FKBP5: variants seen among roughly 807,000 people sequenced by gnomAD.
FKBP5 encodes FKBP prolyl isomerase 5.
In FKBP5, 23 loss-of-function variants were observed where a neutral mutation model predicts 50.5. The observed-to-expected ratio is 0.46, with a 90% confidence interval of 0.33 to 0.65. The LOEUF is 0.65. Ranked by LOEUF, FKBP5 falls within the 30% of genes least tolerant of loss-of-function variation. FKBP5 has a pLI of 0.02. For synonymous variants in FKBP5, 176 were observed against 190.6 expected, an observed-to-expected ratio of 0.92 and a Z score of 0.63; for missense variants, 411 against 553.1, an observed-to-expected ratio of 0.74 and a Z score of 2.58.
At chr6:35,688,232 C>T (rs1190064257) in intron 1 of FKBP5, among the ~76,000 whole-genome samples, 1 of 152,228 alleles carries the variant, frequency 6.6e-6, no homozygotes, top group East Asian at 1.9e-4. Context: ...GCCACCATCC[C>T]CTTCACAGCC....
chr6:35,579,158 G>A (rs528172142), intron 9 of FKBP5, among the ~76,000 whole-genome samples: 50 of 147,268 alleles, frequency 3.4e-4, no homozygotes, highest in Middle Eastern at 3.2e-3. Context: ...ACGCGCGCGC[G>A]CACACACTCT....
chr6:35,613,186 G>A (rs997307841), intron 5 of FKBP5, among the ~76,000 whole-genome samples: 10 of 152,098 alleles, frequency 6.6e-5, no homozygotes, highest in African/African-American at 2.4e-4. Context: ...TCACTCTATA[G>A]CCGGCTTTAG....
chr6:35,693,547 T>C (rs1351408476), upstream of FKBP5, among the ~76,000 whole-genome samples: 3 of 143,736 alleles, frequency 2.1e-5, no homozygotes, highest in African/African-American at 7.8e-5. Context: ...TGAGACAGAG[T>C]CTTGCTCTGT....
At chr6:35,681,351 T>C (rs1472155824) in intron 1 of FKBP5, among the ~76,000 whole-genome samples, 1 of 152,218 alleles carries the variant, frequency 6.6e-6, no homozygotes, top group African/African-American at 2.4e-5. Context: ...AGTATATAAC[T>C]GAATTACCAT....
chr6:35,615,102 C>T (rs888657785), intron 5 of FKBP5, among the ~76,000 whole-genome samples: 2 of 149,894 alleles, frequency 1.3e-5, no homozygotes, highest in Non-Finnish European at 3.0e-5. Flanking sequence ...CCAGCCTGGG[C>T]GACAGAGTGA....
At chr6:35,592,703 C>G (rs1490779002) in intron 6 of FKBP5, among the ~76,000 whole-genome samples, 5 of 152,324 alleles carry the variant, frequency 3.3e-5, no homozygotes, top group Admixed American at 3.3e-4. Flanking sequence ...TTGCCTTAGA[C>G]CAGCAGATCT....
At chr6:35,712,826 C>G (rs1418122294) in intron 2 of FKBP5, among the ~76,000 whole-genome samples, 23 of 152,204 alleles carry the variant, frequency 1.5e-4, no homozygotes, top group Non-Finnish European at 4.4e-5. Context: ...TGAAGCTGGC[C>G]GTGTGGCCTG....
chr6:35,687,061 A>G lies in FKBP5; in HGVS notation c.-20+1743T>C, dbSNP rs551067902. Among the ~76,000 whole-genome samples the G allele has an allele frequency of 7.2e-5, 11 of 152,352 alleles. 1 individual carries two copies. The highest frequency in any genetic ancestry group is 1.6e-4 in the Non-Finnish European group (11 of 68,032). The stretch of plus-strand genomic sequence containing the variant: ...AGCTATTAGCTAACTGTAATTACCT[A>G]GGCAAATAAGTAAAATGACCATTCA... On this transcript the variant is annotated intron_variant, in intron 1 of 10. Coordinates refer to ENST00000357266, the MANE Select transcript of FKBP5 (RefSeq NM_004117.4).
intron 2 of FKBP5, among the ~76,000 whole-genome samples, chr6:35,713,711 A>G (rs1447010434): frequency 6.6e-6 from 1 of 152,184 alleles, no homozygotes; most frequent in Non-Finnish European, 1.5e-5. Flanking sequence ...CATAAAGGGT[A>G]GCAGAGAATG....
intron 1 of FKBP5, among the ~76,000 whole-genome samples, chr6:35,646,198 G>A (rs7771718): frequency 0.012 from 1,867 of 152,214 alleles, 31 homozygotes; most frequent in African/African-American, 0.038. Flanking sequence ...GTTTAAATTC[G>A]AGTAAATAGG....
chr6:35,621,654 G>A lies in FKBP5; in HGVS notation c.251-1380C>T, dbSNP rs7749799. ...AAAAAAAGGCTAAATGACAAATGAGGTACTCTGTCAATCAGAAATATTAAG... is the reference window on the plus strand; with the variant it reads ...AAAAAAAGGCTAAATGACAAATGAGATACTCTGTCAATCAGAAATATTAAG... On this transcript the variant is annotated intron_variant, in intron 3 of 10. Coordinates refer to ENST00000357266, the MANE Select transcript of FKBP5 (RefSeq NM_004117.4). Among the ~76,000 whole-genome samples the A allele has an allele frequency of 7.3e-3, 1,094 of 148,992 alleles. 12 individuals carry two copies. The highest frequency in any genetic ancestry group is 0.023 in the African/African-American group (946 of 40,596).
chr6:35,608,288 T>C (rs376513410), intron 5 of FKBP5, among the ~76,000 whole-genome samples: 1 of 152,198 alleles, frequency 6.6e-6, no homozygotes, highest in East Asian at 1.9e-4. Context: ...ATGGGTTCAA[T>C]AGAAGCCCAA....
chr6:35,701,267 G>C (rs1766181715), intron 2 of FKBP5, among the ~76,000 whole-genome samples: 1 of 144,734 alleles, frequency 6.9e-6, no homozygotes, highest in Non-Finnish European at 1.5e-5. Flanking sequence ...TTTTTGAGAC[G>C]GAGTCTCGCT....
At chr6:35,712,042 T>TG (rs1554139668) in intron 2 of FKBP5, among the ~76,000 whole-genome samples, 3 of 128,284 alleles carry the variant, frequency 2.3e-5, no homozygotes, top group Non-Finnish European at 3.3e-5. Flanking sequence ...CTGGGCTAAT[T>TG]AAAAAAAAAA....
chr6:35,606,384 G>A (rs1763314907), intron 5 of FKBP5, among the ~76,000 whole-genome samples: 5 of 152,014 alleles, frequency 3.3e-5, no homozygotes, highest in Admixed American at 3.3e-4. Flanking sequence ...AAGGCCGGGC[G>A]CTGTGACTCA....
chr6:35,668,038 A>G (rs1457996918), intron 1 of FKBP5, among the ~76,000 whole-genome samples: 1 of 152,254 alleles, frequency 6.6e-6, no homozygotes, highest in Admixed American at 6.5e-5. Flanking sequence ...AAGGGAAAAA[A>G]ATTATAGGAA....
intron 2 of FKBP5, among the ~76,000 whole-genome samples, chr6:35,707,808 T>G (rs1185571176): frequency 6.6e-6 from 1 of 152,202 alleles, no homozygotes; most frequent in Non-Finnish European, 1.5e-5. Context: ...CATGCGGTAT[T>G]TGGTTTTCTG....
At position 35,642,854 on chromosome 6, in the gene FKBP5, G is replaced by GA. The variant is rs1255858294; in HGVS notation, c.-19-12dup. 8.9e-6 allele frequency: 14 copies of GA among 1,578,272 alleles called. No individual in the cohort carries two copies. Among genetic ancestry groups the GA allele is most frequent in the Non-Finnish European group, 1.2e-5 (14 of 1,153,760 alleles). On this transcript the variant is annotated splice_polypyrimidine_tract_variant and intron_variant, in intron 1 of 10. Coordinates refer to ENST00000357266, the MANE Select transcript of FKBP5 (RefSeq NM_004117.4). ...TTTTAAGTAGAGAACCTGGTAAGAA[G>GA]AAAAATATTTTAGCTGGGAAAAATA... is the stretch of plus-strand genomic sequence containing the variant.
chr6:35,669,956 A>G (rs1765338883), intron 1 of FKBP5, among the ~76,000 whole-genome samples: 1 of 152,208 alleles, frequency 6.6e-6, no homozygotes, highest in African/African-American at 2.4e-5. Flanking sequence ...TACTGGTATA[A>G]AGATTTCTTC....
Sources: allele counts gnomAD v4.1 joint callset (sites outside exome capture counted in the v4.1 genomes callset), GRCh38; gene constraint gnomAD v4.1.1; transcripts MANE v1.5; gene names NCBI Gene and HGNC (gene_info 2026-07-23, HGNC 2026-07-21).